Variants in SRPK1 observed in about 807,000 individuals in gnomAD.
The protein encoded by SRPK1 is SRSF protein kinase 1.
Under a neutral mutation model 89.5 loss-of-function variants are expected in SRPK1, and 52 were observed. The observed-to-expected ratio is 0.58, with a 90% CI of 0.46 to 0.73. SRPK1 has a LOEUF of 0.73. Ranked by LOEUF, SRPK1 falls within the 30% of genes least tolerant of loss-of-function variation. SRPK1 has a pLI of 0.00. For synonymous variants in SRPK1, 255 were observed against 270.2 expected, an observed-to-expected ratio of 0.94 and a Z score of 0.55; for missense variants, 603 against 780.6, an observed-to-expected ratio of 0.77 and a Z score of 2.71.
At chr6:35,884,794 G>A (rs560220693) in intron 6 of SRPK1, among the ~76,000 whole-genome samples, 23 of 151,824 alleles carry the variant, frequency 1.5e-4, no homozygotes, top group Non-Finnish European at 3.1e-4. Flanking sequence ...TGAGGTCAGG[G>A]GTTTGAGACC....
rs1002634375 is a variant in SRPK1 at position 35,887,191 on chromosome 6, C to T, written c.391-380G>A. Among the ~76,000 whole-genome samples, 3 of 151,868 alleles carry T rather than the reference C, an allele frequency of 2.0e-5. No individual in the cohort carries two copies. The South Asian group carries it at 6.2e-4, about 32-fold the overall frequency. ...TTTTTTTTTCATGGAAAAACTTTCT[C>T]AATGAAGAAAACAGTATGTTGATTT... is the stretch of plus-strand genomic sequence containing the variant. On this transcript the variant is annotated intron_variant, in intron 5 of 15. Transcript: ENST00000373825.
intron 2 of SRPK1, among the ~76,000 whole-genome samples, chr6:35,916,245 T>TAAA (rs371832888): frequency 0.23 from 33,148 of 143,854 alleles, 3,840 homozygotes; most frequent in South Asian, 0.34. Context: ...AATAAATAAA[T>TAAA]TAATTAATTA....
intron 6 of SRPK1, among the ~76,000 whole-genome samples, chr6:35,881,095 A>G (rs1178912451): frequency 7.9e-5 from 12 of 152,146 alleles, no homozygotes; most frequent in Non-Finnish European, 1.3e-4. Context: ...TATATTAAGA[A>G]AAACAGTATT....
rs990133048 is a variant in SRPK1 at position 35,869,751 on chromosome 6, T to C, written c.1142A>G (p.His381Arg). Residue 381 changes from histidine (H) to arginine (R), a missense_variant, in exon 11 of 16, where the codon CAT becomes CGT. His to Arg is a conservative substitution (Grantham distance 29). Coordinates refer to ENST00000373825, the MANE Select transcript of SRPK1 (RefSeq NM_003137.5). ...NETLRHKEDL[H>R]NANDCDVQNL... ...TTGGACATCACAGTCATTAGCATTATGTAGATCCTCTTTATGTCTCAATGT... is the reference window on the plus strand; with the variant it reads ...TTGGACATCACAGTCATTAGCATTACGTAGATCCTCTTTATGTCTCAATGT... The C allele has an allele frequency of 1.2e-6, 2 of 1,613,990 alleles. No individual in the cohort carries two copies. The highest frequency in any genetic ancestry group is 1.7e-6 in the Non-Finnish European group (2 of 1,179,860).
At chr6:35,851,369 T>C (rs1427274766) in intron 13 of SRPK1, among the ~76,000 whole-genome samples, 1 of 151,974 alleles carries the variant, frequency 6.6e-6, no homozygotes, top group Non-Finnish European at 1.5e-5. Context: ...AGACAGGGTT[T>C]CACCAGGTTG....
chr6:35,920,188 T>G (rs1460570655), intron 2 of SRPK1: 7 of 561,660 alleles, frequency 1.2e-5, no homozygotes, highest in South Asian at 1.1e-4. Flanking sequence ...AGTTTGTGCC[T>G]CCTCTGTGGA....
chr6:35,873,543 G>T (rs901651874), intron 7 of SRPK1, among the ~76,000 whole-genome samples: 1 of 151,428 alleles, frequency 6.6e-6, no homozygotes, highest in East Asian at 1.9e-4. Flanking sequence ...AGGCTGGAGC[G>T]CGGTGGCGCG....
chr6:35,887,402 C>T (rs572626595), intron 5 of SRPK1, among the ~76,000 whole-genome samples: 22 of 152,152 alleles, frequency 1.4e-4, no homozygotes, highest in Non-Finnish European at 3.1e-4. Flanking sequence ...CCTGGTGCAA[C>T]ATTCTCACTT....
At chr6:35,902,429 T>A (rs1356578170) in intron 2 of SRPK1, among the ~76,000 whole-genome samples, 10 of 150,286 alleles carry the variant, frequency 6.7e-5, no homozygotes, top group Non-Finnish European at 3.0e-5. Context: ...AAATAAAAAA[T>A]AATAATAAAA....
At chr6:35,847,229 T>A (rs1458198818) in intron 13 of SRPK1, among the ~76,000 whole-genome samples, 1 of 152,210 alleles carries the variant, frequency 6.6e-6, no homozygotes, top group Non-Finnish European at 1.5e-5. Context: ...TTTGGCAAGA[T>A]GGAGTCTTGC....
chr6:35,888,819 T>C lies in SRPK1; in HGVS notation c.298A>G (p.Ile100Val). 1 of 1,598,564 alleles carries C rather than the reference T, an allele frequency of 6.3e-7. No homozygotes were observed. ...HFSTVWLSWDIQGKKFVAMKV... is the reference protein window; with the variant it reads ...HFSTVWLSWDVQGKKFVAMKV... ...TACAGAACCACTAAAACTTACTGAA[T>C]ATCCCATGATAACCATACTGTTGAA... is the stretch of plus-strand genomic sequence containing the variant. Residue 100 changes from isoleucine to valine, a missense_variant, in exon 4 of 16, where the codon ATT becomes GTT. By Grantham distance (29) the Ile-to-Val change is conservative (BLOSUM62 3). Coordinates refer to ENST00000373825, the MANE Select transcript of SRPK1 (RefSeq NM_003137.5).
intron 2 of SRPK1, chr6:35,919,953 T>C: frequency 2.5e-6 from 1 of 394,306 alleles, no homozygotes; most frequent in Non-Finnish European, 5.0e-6. Flanking sequence ...GCTCAGGAAG[T>C]TGACTAACCC....
chr6:35,867,836 C>T (rs1329611987), intron 12 of SRPK1, among the ~76,000 whole-genome samples: 1 of 152,096 alleles, frequency 6.6e-6, no homozygotes, highest in Non-Finnish European at 1.5e-5. Context: ...AACCTTAAAA[C>T]ACTTTATTAG....
chr6:35,862,626 T>C (rs1769803402), intron 12 of SRPK1, among the ~76,000 whole-genome samples: 1 of 152,016 alleles, frequency 6.6e-6, no homozygotes, highest in African/African-American at 2.4e-5. Context: ...CAAGTAAATA[T>C]GACAGCACCA....
At chr6:35,837,299 T>C (rs931950095) in intron 15 of SRPK1, among the ~76,000 whole-genome samples, 1 of 152,208 alleles carries the variant, frequency 6.6e-6, no homozygotes, top group Non-Finnish European at 1.5e-5. Context: ...CCTGCCCTTA[T>C]GTAAGAAGCT....
chr6:35,876,970 A>G (rs1399874070), intron 6 of SRPK1, among the ~76,000 whole-genome samples: 2 of 152,192 alleles, frequency 1.3e-5, no homozygotes, highest in Non-Finnish European at 2.9e-5. Context: ...GAGCTGCAGA[A>G]AGAGAGAAAT....
chr6:35,842,674 T>C (rs1472615894), intron 13 of SRPK1, 70 bp from the exon 14 acceptor site: 4 of 1,200,478 alleles, frequency 3.3e-6, no homozygotes, highest in Admixed American at 5.2e-5. Flanking sequence ...TGATTGCTAT[T>C]TGGCTCAATA....
intron 2 of SRPK1, among the ~76,000 whole-genome samples, chr6:35,894,368 A>T (rs1395229392): frequency 3.9e-5 from 6 of 152,196 alleles, no homozygotes; most frequent in African/African-American, 1.4e-4. Flanking sequence ...AGGGGGGAAA[A>T]ATGCCCACTT....
At chr6:35,853,787 T>C (rs1227815500) in intron 13 of SRPK1, among the ~76,000 whole-genome samples, 1 of 152,044 alleles carries the variant, frequency 6.6e-6, no homozygotes, top group Non-Finnish European at 1.5e-5. Flanking sequence ...CAAACATACT[T>C]TCCCACAGTG....
Sources: gnomAD v4.1 joint callset for allele counts (sites outside exome capture counted in the v4.1 genomes callset) on GRCh38, gnomAD v4.1.1 for gene constraint, MANE v1.5 for transcripts, NCBI Gene and HGNC (gene_info 2026-07-23, HGNC 2026-07-21) for gene names.